CLN6: variants seen among roughly 807,000 people sequenced by gnomAD.
CLN6 encodes the protein CLN6 transmembrane ER protein, also known as ceroid-lipofuscinosis neuronal protein 6.
A neutral mutation model predicts 33.3 loss-of-function variants in CLN6; 22 were observed. The ratio of observed to expected loss-of-function variants is 0.66; its 90% CI spans 0.47 to 0.94. The LOEUF (loss-of-function observed/expected upper bound fraction) is 0.94, where lower values mean the gene tolerates loss of function less well. CLN6 is among the 40% of genes least tolerant of loss of function. The probability of loss-of-function intolerance (pLI) is 0.00; values close to 1 mark genes in which losing one functional copy is unlikely to be tolerated. For missense variants in CLN6, 387 were observed against 417.1 expected, an observed-to-expected ratio of 0.93 and a Z score of 0.63; for synonymous variants, 201 against 174.6, an observed-to-expected ratio of 1.15 and a Z score of -1.19.
At chr15:68,222,624 C>T (rs1164302122) in intron 1 of CLN6, among the ~76,000 whole-genome samples, 5 of 151,812 alleles carry the variant, frequency 3.3e-5, no homozygotes, top group Non-Finnish European at 5.9e-5. Context: ...CCAACAGCTC[C>T]GAAGAGACAG....
At chr15:68,253,027 T>C (rs1030987031) in intron 1 of CLN6, among the ~76,000 whole-genome samples, 18 of 152,246 alleles carry the variant, frequency 1.2e-4, no homozygotes, top group Admixed American at 1.1e-3. Flanking sequence ...TAAGTCTTCA[T>C]TTCATGTTGC....
intron 1 of CLN6, among the ~76,000 whole-genome samples, chr15:68,229,242 G>A (rs1397477929): frequency 6.6e-6 from 1 of 152,176 alleles, no homozygotes; most frequent in East Asian, 1.9e-4. Context: ...CCAAACTTCG[G>A]GCGGGCGCTC....
rs1256524737 is a variant in CLN6 at position 68,220,407 on chromosome 15, C to G, written c.84-1757G>C. ...TTCCTTTTGTCAGCCTATTTCCCAC[C>G]CACTGCTTCTTCTGGTAAGACATGA... On this transcript the variant is annotated intron_variant, in intron 1 of 6. Coordinates refer to ENST00000249806, the MANE Select transcript of CLN6 (RefSeq NM_017882.3). The surrounding 1 kb of genome is among the most constrained non-coding windows in gnomAD (Gnocchi z 4.2). 6.6e-6 allele frequency among the ~76,000 whole-genome samples: 1 copy of G among 152,214 alleles called. No homozygotes were observed. Among genetic ancestry groups the G allele is most frequent in the Admixed American group, 6.5e-5 (1 of 15,286 alleles).
chr15:68,243,203 A>AC (rs968777099), intron 1 of CLN6, among the ~76,000 whole-genome samples: 1 of 152,078 alleles, frequency 6.6e-6, no homozygotes, highest in African/African-American at 2.4e-5. Flanking sequence ...GGTTTGTAAA[A>AC]CCCTTTTAAA....
At chr15:68,237,786 TAA>T (rs1465278847) in intron 1 of CLN6, among the ~76,000 whole-genome samples, 2 of 152,172 alleles carry the variant, frequency 1.3e-5, no homozygotes, top group Non-Finnish European at 2.9e-5. Flanking sequence ...CCAGATCTAA[TAA>T]AAGACATGAG....
At chr15:68,234,704 A>G (rs1892201747), upstream of CLN6, among the ~76,000 whole-genome samples, 1 of 152,024 alleles carries the variant, frequency 6.6e-6, no homozygotes, top group Non-Finnish European at 1.5e-5. The surrounding 1 kb of genome is among the most constrained non-coding windows in gnomAD (Gnocchi z 4.1). Context: ...CTTTTTCCTT[A>G]TAATTTCTTT....
intron 1 of CLN6, among the ~76,000 whole-genome samples, chr15:68,221,220 C>T (rs1180525545): frequency 2.4e-5 from 3 of 127,454 alleles, no homozygotes; most frequent in African/African-American, 5.7e-5. Context: ...ATCTCCCTCC[C>T]CCCTCCCCCA....
chr15:68,213,981 G>A (rs538811935), intron 3 of CLN6: 11 of 343,444 alleles, frequency 3.2e-5, no homozygotes, highest in Middle Eastern at 1.0e-3. Flanking sequence ...AATGTTTTAC[G>A]GTTTCCCAAG....
intron 2 of CLN6, chr15:68,218,268 G>C (rs996754086): frequency 2.3e-5 from 9 of 392,794 alleles, no homozygotes; most frequent in Non-Finnish European, 3.9e-5. Flanking sequence ...CAGGCCAGAG[G>C]GGGTTACAGT....
At chr15:68,243,582 G>T (rs983225708) in intron 1 of CLN6, among the ~76,000 whole-genome samples, 1 of 151,734 alleles carries the variant, frequency 6.6e-6, no homozygotes, top group East Asian at 1.9e-4. Flanking sequence ...TGGTGAAACC[G>T]CATCTCTACT....
Position 68,211,619 on chromosome 15 carries a change from C to T in CLN6, c.486+56G>A. ...GGGGTGGGGGCCATTTCTTCAGCCT[C>T]CCAGGACAGACTGTGCTCCTAGGGC... is the stretch of plus-strand genomic sequence containing the variant. On this transcript the variant is annotated intron_variant, in intron 4 of 6. Transcript: ENST00000249806. The surrounding 1 kb of genome is among the most constrained non-coding windows in gnomAD (Gnocchi z 5.9). The T allele has an allele frequency of 1.2e-6, 2 of 1,608,786 alleles. No individual in the cohort carries two copies. Among genetic ancestry groups the T allele is most frequent in the Non-Finnish European group, 1.7e-6 (2 of 1,179,948 alleles).
Position 68,208,102 on chromosome 15 carries a change from T to TCCCC in CLN6, c.*37_*38insGGGG. 2.1e-6 allele frequency: 1 copy of TCCCC among 485,020 alleles called. No individual in the cohort carries two copies. Among genetic ancestry groups the TCCCC allele is most frequent in the Non-Finnish European group, 3.4e-6 (1 of 293,496 alleles). 30.0% of individuals were successfully genotyped at this position (485,020 alleles called of 1,614,324 possible). On this transcript the variant is annotated 3_prime_UTR_variant, in exon 7 of 7. Transcript: ENST00000249806. The surrounding 1 kb of genome is among the most constrained non-coding windows in gnomAD (Gnocchi z 5.8). ...TTCAGATGCCCTCCATGGCCCACCC[T>TCCCC]CCCACCCAGCAGAGCGCCAGAGCCT...
rs1480281462 is a variant in CLN6 at position 68,256,766 on chromosome 15, G to C, written c.103C>G (p.Arg35Gly). The C allele has an allele frequency of 4.3e-6, 3 of 701,840 alleles. No homozygotes were observed. Among genetic ancestry groups the C allele is most frequent in the South Asian group, 1.5e-5 (1 of 67,578 alleles). The allele number at this position is 701,840 out of a possible 1,614,324, so 43.5% of individuals were successfully genotyped here. A position where few individuals can be genotyped will look rare whatever the true frequency, so the allele number is the denominator to read the frequency against. ...GCCTGCGCCAGTGGCTTGAAGGCTC[G>C]GCTCAAGCCCGCCTCGCCTCCCTCC... Residue 35 changes from arginine to glycine, a missense_variant, in exon 1 of 7, where the codon CGA becomes GGA. Transcript: ENST00000538696. The surrounding 1 kb of genome is among the most constrained non-coding windows in gnomAD (Gnocchi z 4.1).
intron 1 of CLN6, chr15:68,254,814 A>G (rs1177358821): frequency 9.1e-6 from 10 of 1,093,706 alleles, no homozygotes; most frequent in Admixed American, 1.7e-5. Context: ...GAAAAGCTGA[A>G]GCTGGCAAGG....
At chr15:68,239,112 G>GT (rs1892258740) in intron 1 of CLN6, among the ~76,000 whole-genome samples, 1 of 151,770 alleles carries the variant, frequency 6.6e-6, no homozygotes, top group South Asian at 2.1e-4. Flanking sequence ...CAGAAAATGT[G>GT]TAACTTCCAT....
intron 1 of CLN6, among the ~76,000 whole-genome samples, chr15:68,250,649 A>G (rs1015366714): frequency 6.6e-6 from 1 of 151,202 alleles, no homozygotes; most frequent in African/African-American, 2.4e-5. Flanking sequence ...AAAAAAAATC[A>G]AGCCTAGATA....
rs1252110286 is a variant in CLN6, at chr15:68,209,400, T to G, written c.665+237A>C. 1.3e-5 allele frequency among the ~76,000 whole-genome samples: 2 copies of G among 152,064 alleles called. No individual in the cohort carries two copies. Among genetic ancestry groups the G allele is most frequent in the Admixed American group, 6.5e-5 (1 of 15,284 alleles). The stretch of plus-strand genomic sequence containing the variant: ...GAGGGGCTTGAGGATGGAGACAGAC[T>G]GTGCAACCTCGCCCTCTCCTCCCAC... On this transcript the variant is annotated intron_variant, in intron 6 of 6. Coordinates refer to ENST00000249806, the MANE Select transcript of CLN6 (RefSeq NM_017882.3). This position sits in a 1 kb window ranked among gnomAD's most constrained non-coding sequence, Gnocchi z 4.9.
At chr15:68,238,686 C>T (rs567672726) in intron 1 of CLN6, among the ~76,000 whole-genome samples, 12 of 151,882 alleles carry the variant, frequency 7.9e-5, no homozygotes, top group Admixed American at 3.3e-4. Context: ...AGAATAAAAC[C>T]GAGAGATTTT....
chr15:68,233,462 T>G (rs973322764), upstream of CLN6, among the ~76,000 whole-genome samples: 1 of 152,156 alleles, frequency 6.6e-6, no homozygotes, highest in Non-Finnish European at 1.5e-5. This position sits in a 1 kb window ranked among gnomAD's most constrained non-coding sequence, Gnocchi z 4.3. Context: ...CTGCGGAAAA[T>G]GAAGCCTAAA....
Sources: gnomAD v4.1 joint callset for allele counts (sites outside exome capture counted in the v4.1 genomes callset) on GRCh38, gnomAD v4.1.1 for gene constraint, Gnocchi (gnomAD v3.1) non-coding constraint, MANE v1.5 for transcripts, NCBI Gene and HGNC (gene_info 2026-07-23, HGNC 2026-07-21) for gene names.